Variants in UTRN observed in about 807,000 individuals in gnomAD.
UTRN encodes the protein utrophin.
Under a neutral mutation model 463.9 loss-of-function variants are expected in UTRN, and 283 were observed. That is an observed-to-expected ratio of 0.61 (90% CI 0.55 to 0.67). UTRN has a LOEUF of 0.67. Ranked by LOEUF, UTRN falls within the 30% of genes least tolerant of loss-of-function variation. The probability of loss-of-function intolerance (pLI) is 0.00; values close to 1 mark genes in which losing one functional copy is unlikely to be tolerated. For synonymous variants in UTRN, 1,442 were observed against 1,431.5 expected (o/e 1.01, Z -0.17); for missense variants, 3,922 against 4,084.3 (o/e 0.96, Z 1.08).
At chr6:144,413,754 C>A (rs1027864446) in intron 3 of UTRN, among the ~76,000 whole-genome samples, 3 of 152,094 alleles carry the variant, frequency 2.0e-5, no homozygotes, top group Admixed American at 1.3e-4. Flanking sequence ...TAGTGATAAC[C>A]AACAACTGTG....
intron 9 of UTRN, among the ~76,000 whole-genome samples, chr6:144,434,280 C>T (rs986345824): frequency 7.4e-6 from 1 of 134,598 alleles, no homozygotes; most frequent in Non-Finnish European, 1.6e-5. Context: ...TGCAGTGAGC[C>T]GAGATGGCAG....
At chr6:144,802,906 G>A (rs1178376232) in intron 64 of UTRN, 130 bp from the exon 65 acceptor site, 3 of 496,040 alleles carry the variant, frequency 6.0e-6, no homozygotes, top group Non-Finnish European at 1.0e-5. Flanking sequence ...ATAGAAGCAT[G>A]TTTCAGAGAC....
chr6:144,537,777 A>G, intron 44 of UTRN, 60 bp downstream of exon 44: 1 of 1,552,780 alleles, frequency 6.4e-7, no homozygotes, highest in South Asian at 1.3e-5. Context: ...CTTCAGAGTC[A>G]CATACTGCGT....
At chr6:144,846,910 A>C (rs1254722878) in intron 74 of UTRN, 83 bp downstream of exon 74, 5 of 1,539,462 alleles carry the variant, frequency 3.2e-6, no homozygotes, top group Non-Finnish European at 4.5e-6. Context: ...TTTTATTCCT[A>C]CTTTATTCTC....
intron 51 of UTRN, among the ~76,000 whole-genome samples, chr6:144,644,552 A>G (rs1300528523): frequency 6.6e-6 from 1 of 152,194 alleles, no homozygotes; most frequent in Non-Finnish European, 1.5e-5. Flanking sequence ...ATGGAATTAT[A>G]TATTTGGCTA....
intron 69 of UTRN, among the ~76,000 whole-genome samples, chr6:144,829,660 T>G (rs1780490062): frequency 6.6e-6 from 1 of 151,770 alleles, no homozygotes; most frequent in Non-Finnish European, 1.5e-5. Flanking sequence ...GATGGGAATC[T>G]GTAAAGTAGA....
intron 54 of UTRN, among the ~76,000 whole-genome samples, chr6:144,740,826 A>G (rs1364224339): frequency 6.6e-6 from 1 of 152,228 alleles, no homozygotes; most frequent in African/African-American, 2.4e-5. Flanking sequence ...GAATTATATG[A>G]TAAAGATTTG....
At chr6:144,651,862 G>C (rs1364502424) in intron 51 of UTRN, among the ~76,000 whole-genome samples, 2 of 151,846 alleles carry the variant, frequency 1.3e-5, no homozygotes, top group Non-Finnish European at 2.9e-5. Flanking sequence ...GTGGTGTTTG[G>C]TTACATGAAT....
intron 50 of UTRN, among the ~76,000 whole-genome samples, chr6:144,562,093 T>C (rs796329882): frequency 1.1e-4 from 17 of 152,296 alleles, no homozygotes; most frequent in African/African-American, 3.8e-4. Context: ...ATTATCACAG[T>C]TGCTGAATTT....
chr6:144,436,837 T>TATATATAAATAAA (rs941006617), intron 10 of UTRN, among the ~76,000 whole-genome samples: 1 of 144,526 alleles, frequency 6.9e-6, no homozygotes, highest in Non-Finnish European at 1.5e-5. Flanking sequence ...TATTTTATTT[T>TATATATAAATAAA]ATATATAAAT....
intron 2 of UTRN, among the ~76,000 whole-genome samples, chr6:144,328,242 C>T (rs1313705097): frequency 4.6e-5 from 7 of 151,428 alleles, no homozygotes; most frequent in Admixed American, 1.3e-4. Context: ...TTAAGATATG[C>T]GTAGTGCATA....
chr6:144,430,757 T>C (rs150017024), intron 9 of UTRN, among the ~76,000 whole-genome samples: 20 of 152,290 alleles, frequency 1.3e-4, no homozygotes, highest in African/African-American at 4.8e-4. Flanking sequence ...CAGATTTCTT[T>C]AAAAAATATT....
At position 144,689,883 on chromosome 6, in the gene UTRN, G is replaced by A. The variant is rs771388536; in HGVS notation, c.7653-10204G>A. On this transcript the variant is annotated intron_variant, in intron 52 of 74. Coordinates refer to ENST00000367545, the MANE Select transcript of UTRN (RefSeq NM_007124.3). Reference sequence around the variant, plus strand: ...GGTCACACAAGTTTTCCCCTTCCTGGTGTGGTGTTATTCTCCTTGCAGATG... The same window carrying A: ...GGTCACACAAGTTTTCCCCTTCCTGATGTGGTGTTATTCTCCTTGCAGATG... 4.6e-5 allele frequency among the ~76,000 whole-genome samples: 7 copies of A among 151,896 alleles called. No homozygotes were observed. In the East Asian group the frequency reaches 1.4e-3, roughly 29 times the overall value.
At chr6:144,813,181 T>C (rs1004519430) in intron 65 of UTRN, among the ~76,000 whole-genome samples, 10 of 150,602 alleles carry the variant, frequency 6.6e-5, no homozygotes, top group African/African-American at 2.0e-4. Flanking sequence ...ATTTTTATTT[T>C]TATTTATTTA....
rs764771240 is a variant in UTRN, at chr6:144,448,717, C to T, written c.2020C>T (p.Pro674Ser). ...AAAATCTAAGCAGGAACTGCCTCCT[C>T]CTCCTCCCCCAAAGAAGAGACAGAT... ...TKKSKQELPP[P>S]PPPKKRQIHV... The change falls in exon 17 of 75, where the codon CCT becomes TCT. Residue 674 changes from proline to serine, a missense_variant. Around this residue, in one of 3 missense-constraint regions of UTRN, gnomAD observed 2,349 missense variants for 2,303.8 expected, o/e 1.02. Transcript: ENST00000367545. 1.7e-5 allele frequency: 28 copies of T among 1,613,960 alleles called. No homozygotes were observed. The highest frequency in any genetic ancestry group is 2.4e-5 in the Non-Finnish European group (28 of 1,179,954).
At chr6:144,415,657 A>T (rs915293508) in intron 3 of UTRN, among the ~76,000 whole-genome samples, 4 of 152,284 alleles carry the variant, frequency 2.6e-5, no homozygotes, top group Non-Finnish European at 5.9e-5. Flanking sequence ...CAAGATTTTT[A>T]TTTGGAGTTT....
chr6:144,416,538 C>A (rs373933767), intron 3 of UTRN, among the ~76,000 whole-genome samples: 3 of 152,168 alleles, frequency 2.0e-5, no homozygotes, highest in Admixed American at 1.3e-4. Context: ...GCTGACCGTT[C>A]GCCTTTGTGC....
chr6:144,382,674 G>A (rs967002607), intron 2 of UTRN, among the ~76,000 whole-genome samples: 1 of 152,178 alleles, frequency 6.6e-6, no homozygotes, highest in Admixed American at 6.5e-5. Flanking sequence ...CAGTCAAAAA[G>A]CAGTTCCATA....
chr6:144,828,443 T>C (rs1424708109), intron 68 of UTRN, among the ~76,000 whole-genome samples: 1 of 152,202 alleles, frequency 6.6e-6, no homozygotes, highest in Non-Finnish European at 1.5e-5. Context: ...GGAGAGTTTT[T>C]GTTATGAGAG....
Sources: allele counts gnomAD v4.1 joint callset (sites outside exome capture counted in the v4.1 genomes callset), GRCh38; gene constraint gnomAD v4.1.1; regional missense constraint gnomAD v4.1.1; transcripts MANE v1.5; gene names NCBI Gene and HGNC (gene_info 2026-07-23, HGNC 2026-07-21).